CLDN14: variants seen among roughly 807,000 people sequenced by gnomAD.
CLDN14 encodes the protein claudin 14.
Under a neutral mutation model 2.1 loss-of-function variants are expected in CLDN14, and 2 were observed. The observed-to-expected ratio is 0.96, with a 90% CI of 0.39 to 3.01. The LOEUF is 3.01. Among genes scored for constraint, CLDN14 ranks in the 30% most tolerant of loss-of-function variants. The pLI, the probability that CLDN14 is intolerant of heterozygous loss-of-function variation, is 0.09. For missense variants in CLDN14, 298 were observed against 328.0 expected, an observed-to-expected ratio of 0.91 and a Z score of 0.71; for synonymous variants, 136 against 154.4, an observed-to-expected ratio of 0.88 and a Z score of 0.88.
At chr21:36,462,941 AC>A (rs148792260) in intron 1 of CLDN14, among the ~76,000 whole-genome samples, 31,281 of 135,098 alleles carry the variant, frequency 0.23, 3,780 homozygotes, top group African/African-American at 0.38. Flanking sequence ...AAGCAAACAA[AC>A]AAAAAAAAAC....
chr21:36,568,920 C>T (rs913290803), intron 1 of CLDN14, among the ~76,000 whole-genome samples: 1 of 152,168 alleles, frequency 6.6e-6, no homozygotes, highest in African/African-American at 2.4e-5. Context: ...ACCAGTTTGA[C>T]TTTTTTATTA....
intron 1 of CLDN14, among the ~76,000 whole-genome samples, chr21:36,475,744 TA>T (rs1243994798): frequency 2.9e-4 from 44 of 151,408 alleles, no homozygotes; most frequent in African/African-American, 1.1e-3. Context: ...TAACTTTTTT[TA>T]TTTTATTTTA....
intron 1 of CLDN14, among the ~76,000 whole-genome samples, chr21:36,464,178 TC>T (rs2086615895): frequency 6.6e-6 from 1 of 152,078 alleles, no homozygotes; most frequent in African/African-American, 2.4e-5. Flanking sequence ...CTCCCCTCTC[TC>T]TCTTCCTCCT....
chr21:36,556,540 CT>C (rs1423953974), intron 1 of CLDN14, among the ~76,000 whole-genome samples: 7 of 152,336 alleles, frequency 4.6e-5, no homozygotes, highest in African/African-American at 1.7e-4. Context: ...AATTTTCTAA[CT>C]CCCTGACTAT....
intron 1 of CLDN14, among the ~76,000 whole-genome samples, chr21:36,543,718 T>C (rs1238070439): frequency 1.3e-5 from 2 of 151,562 alleles, no homozygotes; most frequent in African/African-American, 4.8e-5. Context: ...GAGCTGCGAC[T>C]TGAACCCAGG....
chr21:36,529,184 C>T (rs1458041319), intron 1 of CLDN14, among the ~76,000 whole-genome samples: 2 of 152,212 alleles, frequency 1.3e-5, no homozygotes, highest in African/African-American at 4.8e-5. Flanking sequence ...AAAATGCTTT[C>T]CCCGATCTCA....
At chr21:36,532,471 A>C (rs990533009) in intron 1 of CLDN14, 3 of 152,080 alleles carry the variant, frequency 2.0e-5, no homozygotes, top group Non-Finnish European at 1.5e-5. Context: ...GGGGAGGGAT[A>C]GCATTAGGAG....
intron 2 of CLDN14, chr21:36,487,067 C>T: frequency 4.2e-6 from 1 of 235,860 alleles, no homozygotes; most frequent in Admixed American, 5.2e-5. Flanking sequence ...TCACTGCAAC[C>T]TCTGCCTCTC....
chr21:36,538,938 G>A (rs1302036007), intron 1 of CLDN14, among the ~76,000 whole-genome samples: 4 of 152,112 alleles, frequency 2.6e-5, no homozygotes, highest in African/African-American at 7.2e-5. Context: ...AGTCCCAGTC[G>A]CGCCCCTGCC....
intron 1 of CLDN14, among the ~76,000 whole-genome samples, chr21:36,479,197 A>G (rs1025875715): frequency 2.6e-5 from 4 of 152,156 alleles, no homozygotes; most frequent in Non-Finnish European, 5.9e-5. Context: ...CCTCCCAAAC[A>G]GGCCTGGTAA....
At chr21:36,478,017 C>A (rs1263012129) in intron 1 of CLDN14, among the ~76,000 whole-genome samples, 2 of 152,204 alleles carry the variant, frequency 1.3e-5, no homozygotes, top group African/African-American at 4.8e-5. Context: ...GACTTTTAGA[C>A]TTCTTACTCT....
chr21:36,497,716 C>T (rs559230330), intron 2 of CLDN14, among the ~76,000 whole-genome samples: 2 of 152,254 alleles, frequency 1.3e-5, no homozygotes, highest in Admixed American at 6.5e-5. Context: ...CCACAGATCA[C>T]ATCTGCCCCC....
At chr21:36,576,202 A>G (rs1269196638) in intron 1 of CLDN14, among the ~76,000 whole-genome samples, 1 of 152,150 alleles carries the variant, frequency 6.6e-6, no homozygotes, top group East Asian at 1.9e-4. Context: ...TGAACTAATC[A>G]TTGACACCCA....
intron 1 of CLDN14, among the ~76,000 whole-genome samples, chr21:36,467,753 C>A (rs1407035437): frequency 6.6e-6 from 1 of 152,206 alleles, no homozygotes; most frequent in East Asian, 1.9e-4. Flanking sequence ...GCTACTGTCA[C>A]CTCATCCCTT....
At chr21:36,484,133 C>T (rs867563811), upstream of CLDN14, among the ~76,000 whole-genome samples, 4 of 152,068 alleles carry the variant, frequency 2.6e-5, no homozygotes, top group South Asian at 4.1e-4. Context: ...GCCTTGGGGC[C>T]GTTTTCAAAA....
rs1306785809 is a variant in CLDN14, at chr21:36,461,726, A to C, written c.-31T>G. ...GGCTGCCTGCCTAGGCCAGCCGGGC[A>C]GCTCCCTGGGCCCTCGGGGTCACGC... is the stretch of plus-strand genomic sequence containing the variant. On this transcript the variant is annotated 5_prime_UTR_variant, in exon 2 of 2. Transcript: ENST00000399135. 1 of 1,545,026 alleles carries C rather than the reference A, an allele frequency of 6.5e-7. No homozygotes were observed. The highest frequency in any genetic ancestry group is 2.0e-5 in the Admixed American group (1 of 50,966).
At chr21:36,526,795 A>G (rs2087334167) in intron 1 of CLDN14, among the ~76,000 whole-genome samples, 1 of 152,174 alleles carries the variant, frequency 6.6e-6, no homozygotes. Context: ...GCTTTTCCAT[A>G]CCTGCTAAAT....
At chr21:36,572,246 T>C (rs1369321233) in intron 1 of CLDN14, among the ~76,000 whole-genome samples, 6 of 152,130 alleles carry the variant, frequency 3.9e-5, no homozygotes, top group Non-Finnish European at 2.9e-5. Flanking sequence ...GTAACCTGAA[T>C]CTGTGCAGGG....
chr21:36,477,028 C>T (rs2086787973), intron 1 of CLDN14, among the ~76,000 whole-genome samples: 1 of 152,224 alleles, frequency 6.6e-6, no homozygotes, highest in South Asian at 2.1e-4. Flanking sequence ...GTACCAGGCC[C>T]TGTAGGTTAC....
Sources: allele counts gnomAD v4.1 joint callset (sites outside exome capture counted in the v4.1 genomes callset), GRCh38; gene constraint gnomAD v4.1.1; transcripts MANE v1.5; gene names NCBI Gene and HGNC (gene_info 2026-07-23, HGNC 2026-07-21).